The following FHIT variants were observed in gnomAD, a reference collection of about 807,000 sequenced individuals.
FHIT encodes the protein bis(5'-adenosyl)-triphosphatase.
Under a neutral mutation model 17.9 loss-of-function variants are expected in FHIT, and 19 were observed. The observed-to-expected ratio is 1.06, with a 90% CI of 0.74 to 1.56. FHIT has a LOEUF of 1.56. Ranked by LOEUF, FHIT falls within the 40% of genes most tolerant of loss-of-function variation. The pLI is 0.00. For missense variants in FHIT, 248 were observed against 189.2 expected, an observed-to-expected ratio of 1.31 and a Z score of -1.82; for synonymous variants, 81 against 69.7, an observed-to-expected ratio of 1.16 and a Z score of -0.81.
intron 5 of FHIT, among the ~76,000 whole-genome samples, chr3:60,340,442 G>A (rs941911237): frequency 5.3e-5 from 8 of 152,150 alleles, no homozygotes; most frequent in Non-Finnish European, 1.2e-4. Flanking sequence ...ATCCACTGCA[G>A]CCCTTCCACC....
chr3:60,889,806 A>G (rs953833992), intron 3 of FHIT, among the ~76,000 whole-genome samples: 1 of 152,228 alleles, frequency 6.6e-6, no homozygotes, highest in Non-Finnish European at 1.5e-5. Context: ...AATTGGGTTA[A>G]TATGATTCAA....
chr3:60,252,557 GC>G (rs1233447876), intron 5 of FHIT, among the ~76,000 whole-genome samples: 2 of 151,244 alleles, frequency 1.3e-5, no homozygotes, highest in Non-Finnish European at 2.9e-5. Flanking sequence ...GTGAAACTCT[GC>G]CTCGAAAAGA....
chr3:59,960,815 T>C (rs188417070), intron 7 of FHIT, among the ~76,000 whole-genome samples: 1 of 152,346 alleles, frequency 6.6e-6, no homozygotes, highest in Admixed American at 6.5e-5. Context: ...ATCTGTTTTA[T>C]ACTATGTATC....
intron 5 of FHIT, among the ~76,000 whole-genome samples, chr3:60,198,268 C>T (rs1307495481): frequency 1.3e-5 from 2 of 152,046 alleles, no homozygotes; most frequent in Non-Finnish European, 2.9e-5. Flanking sequence ...TGCTCAGTCA[C>T]AAATGGTTAT....
chr3:61,052,400 A>C (rs898958479), intron 2 of FHIT, among the ~76,000 whole-genome samples: 3 of 152,014 alleles, frequency 2.0e-5, no homozygotes, highest in Admixed American at 6.6e-5. Flanking sequence ...CATATCCAGG[A>C]CTCACACCCA....
intron 4 of FHIT, among the ~76,000 whole-genome samples, chr3:60,583,066 A>T (rs1374067622): frequency 1.3e-5 from 2 of 151,890 alleles, no homozygotes; most frequent in African/African-American, 2.4e-5. Context: ...CTAAATCAGA[A>T]CATGTCAACA....
intron 4 of FHIT, among the ~76,000 whole-genome samples, chr3:60,586,353 G>A (rs1553661984): frequency 6.6e-6 from 1 of 151,956 alleles, no homozygotes; most frequent in African/African-American, 2.4e-5. Context: ...CTCTTATCCA[G>A]CAAAGTTTAA....
intron 5 of FHIT, among the ~76,000 whole-genome samples, chr3:60,154,025 G>C (rs1700577993): frequency 6.6e-6 from 1 of 152,194 alleles, no homozygotes. Context: ...ACAAACAGGG[G>C]CACTAATGGA....
At chr3:61,151,886 T>C (rs2037404598) in intron 2 of FHIT, among the ~76,000 whole-genome samples, 1 of 152,164 alleles carries the variant, frequency 6.6e-6, no homozygotes, top group Non-Finnish European at 1.5e-5. Flanking sequence ...CTCGGCCTGA[T>C]ATTCTTTTCT....
chr3:60,489,725 T>C (rs1479050624), intron 5 of FHIT, among the ~76,000 whole-genome samples: 1 of 152,234 alleles, frequency 6.6e-6, no homozygotes, highest in African/African-American at 2.4e-5. Flanking sequence ...TGGTAATTTT[T>C]GGGGATCTCT....
rs567284856 is a variant in FHIT at position 59,939,104 on chromosome 3, C to G, written c.280-16690G>C. 2.6e-5 allele frequency among the ~76,000 whole-genome samples: 4 copies of G among 152,218 alleles called. No individual in the cohort carries two copies. The East Asian group carries it at 7.7e-4, about 29-fold the overall frequency. ...CAGTGGGGGAAGCCCCAGCACCAAC[C>G]CTCATTTTTCTCATAATATACTCTG... On this transcript the variant is annotated intron_variant, in intron 7 of 9. Coordinates refer to ENST00000492590, the MANE Select transcript of FHIT (RefSeq NM_002012.4).
intron 8 of FHIT, among the ~76,000 whole-genome samples, chr3:59,900,869 C>A (rs1333674337): frequency 6.6e-6 from 1 of 152,206 alleles, no homozygotes; most frequent in Admixed American, 6.5e-5. Context: ...CTGCCTCAGC[C>A]TCCCAAAGTT....
At chr3:61,048,837 A>G (rs1477378955) in intron 2 of FHIT, among the ~76,000 whole-genome samples, 1 of 152,178 alleles carries the variant, frequency 6.6e-6, no homozygotes, top group African/African-American at 2.4e-5. Context: ...GACATGGATG[A>G]AGCTGGAAAC....
intron 7 of FHIT, among the ~76,000 whole-genome samples, chr3:59,932,647 C>T: frequency 6.6e-6 from 1 of 152,024 alleles, no homozygotes; most frequent in East Asian, 1.9e-4. Context: ...ATTAAGAAAA[C>T]AGGTGTTGAG....
At chr3:60,077,717 C>CAT (rs1166434888) in intron 5 of FHIT, among the ~76,000 whole-genome samples, 1,912 of 103,950 alleles carry the variant, frequency 0.018, 25 homozygotes, top group Middle Eastern at 0.027. Context: ...CACACACACA[C>CAT]ACACACACAC....
At chr3:60,700,826 G>T (rs1255632009) in intron 4 of FHIT, among the ~76,000 whole-genome samples, 1 of 152,106 alleles carries the variant, frequency 6.6e-6, no homozygotes, top group Non-Finnish European at 1.5e-5. Flanking sequence ...TAGTAAAGTT[G>T]AGCAGAGTTG....
chr3:60,206,530 A>T (rs367998558), intron 5 of FHIT, among the ~76,000 whole-genome samples: 1 of 152,180 alleles, frequency 6.6e-6, no homozygotes, highest in East Asian at 1.9e-4. Flanking sequence ...ACACAAGACT[A>T]TAAGAATTAA....
At chr3:60,934,172 G>C (rs1438165396) in intron 3 of FHIT, among the ~76,000 whole-genome samples, 2 of 152,152 alleles carry the variant, frequency 1.3e-5, no homozygotes, top group African/African-American at 2.4e-5. Context: ...TGGGAGAGGT[G>C]AGATCAGAGA....
chr3:59,905,998 A>G (rs1198895066), intron 8 of FHIT, among the ~76,000 whole-genome samples: 1 of 152,188 alleles, frequency 6.6e-6, no homozygotes, highest in East Asian at 1.9e-4. Flanking sequence ...TGGACTTTTC[A>G]TTAAAAAGAT....
Sources: gnomAD v4.1 joint callset for allele counts (sites outside exome capture counted in the v4.1 genomes callset) on GRCh38, gnomAD v4.1.1 for gene constraint, MANE v1.5 for transcripts, NCBI Gene and HGNC (gene_info 2026-07-23, HGNC 2026-07-21) for gene names.